The following RNF213 variants were observed in gnomAD, a reference collection of about 807,000 sequenced individuals.
The protein encoded by RNF213 is E3 ubiquitin-protein ligase RNF213.
A neutral mutation model predicts 514.4 loss-of-function variants in RNF213; 341 were observed. The observed-to-expected ratio is 0.66, with a 90% CI of 0.61 to 0.73. The LOEUF (loss-of-function observed/expected upper bound fraction) is 0.73, where lower values mean the gene tolerates loss of function less well. Ranked by LOEUF, RNF213 falls within the 30% of genes least tolerant of loss-of-function variation. The pLI is 0.00. For synonymous variants in RNF213, 2,655 were observed against 2,658.2 expected (o/e 1.00, Z 0.04); for missense variants, 5,767 against 6,615.6 (o/e 0.87, Z 4.45).
chr17:80,313,544 C>T (rs62076493), intron 15 of RNF213, among the ~76,000 whole-genome samples: 51 of 87,586 alleles, frequency 5.8e-4, no homozygotes, highest in African/African-American at 2.2e-3. Flanking sequence ...TGATGGTGGA[C>T]GTAATGGAGG....
intron 15 of RNF213, chr17:80,316,703 G>A: frequency 3.8e-6 from 1 of 259,982 alleles, no homozygotes; most frequent in South Asian, 4.7e-5. Flanking sequence ...TAGTGGCAAG[G>A]TGCCATGATG....
At chr17:80,367,647 G>T in intron 42 of RNF213, 101 bp from the exon 43 acceptor site, 1 of 853,316 alleles carries the variant, frequency 1.2e-6, no homozygotes, top group Non-Finnish European at 2.0e-6. Context: ...CCACACACAC[G>T]GCGCAGCCTT....
chr17:80,369,881 G>A lies in RNF213; in HGVS notation c.12425+14G>A, dbSNP rs1279416609. 1 of 1,551,614 alleles carries A rather than the reference G, an allele frequency of 6.4e-7. No homozygotes were observed. Among genetic ancestry groups the A allele is most frequent in the Non-Finnish European group, 8.9e-7 (1 of 1,123,600 alleles). On this transcript the variant is annotated intron_variant, in intron 46 of 67. Transcript: ENST00000582970. ...TTTGAAGTACAGGTAAGAACAACAT[G>A]GAGACTTGCTTCTGGAAAGCCCTGG... is the stretch of plus-strand genomic sequence containing the variant.
chr17:80,326,014 A>G (rs1291656790), intron 18 of RNF213, among the ~76,000 whole-genome samples: 1 of 151,964 alleles, frequency 6.6e-6, no homozygotes, highest in African/African-American at 2.4e-5. Flanking sequence ...GCTGGAGTGC[A>G]GTGCTGTGAT....
intron 11 of RNF213, among the ~76,000 whole-genome samples, chr17:80,303,613 G>C: frequency 6.7e-6 from 1 of 149,702 alleles, no homozygotes; most frequent in East Asian, 2.0e-4. Context: ...GCCCAGGCTG[G>C]AGTACAGTGG....
At chr17:80,322,316 A>G (rs914286540) in intron 17 of RNF213, among the ~76,000 whole-genome samples, 1 of 151,084 alleles carries the variant, frequency 6.6e-6, no homozygotes, top group African/African-American at 2.4e-5. Flanking sequence ...ATGTGCCACC[A>G]TGTTCAGCTA....
intron 20 of RNF213, among the ~76,000 whole-genome samples, chr17:80,330,149 C>T (rs537417309): frequency 9.2e-5 from 14 of 152,242 alleles, no homozygotes; most frequent in African/African-American, 3.4e-4. Flanking sequence ...CGGAATGTTC[C>T]TTTTTAAATT....
chr17:80,377,920 C>T lies in RNF213; in HGVS notation c.13545+124C>T, dbSNP rs932961011. On this transcript the variant is annotated intron_variant, in intron 54 of 67. Coordinates refer to ENST00000582970, the MANE Select transcript of RNF213 (RefSeq NM_001256071.3). The surrounding 1 kb of genome is among the most constrained non-coding windows in gnomAD (Gnocchi z 4.1). ...CAGGAGAGCACAGGCTCACCGAGGA[C>T]TGCCCAGGGTGCTCTGAGCAGGGCA... The T allele has an allele frequency of 2.4e-5, 27 of 1,123,382 alleles. No homozygotes were observed. Among genetic ancestry groups the T allele is most frequent in the Non-Finnish European group, 3.3e-5 (24 of 735,886 alleles). The allele number at this position is 1,123,382 out of a possible 1,614,324, so 69.6% of individuals were successfully genotyped here.
intron 65 of RNF213, among the ~76,000 whole-genome samples, 177 bp from the exon 66 acceptor site, chr17:80,389,651 C>G (rs1384606117): frequency 6.6e-6 from 1 of 152,162 alleles, no homozygotes; most frequent in Non-Finnish European, 1.5e-5. Flanking sequence ...TGAGGTGCCG[C>G]AGGAGGGAAC....
chr17:80,362,197 A>T (rs1447075347), intron 39 of RNF213, among the ~76,000 whole-genome samples: 1 of 152,208 alleles, frequency 6.6e-6, no homozygotes, highest in African/African-American at 2.4e-5. Context: ...AAAATTAAAT[A>T]CGTAACTAAC....
intron 10 of RNF213, among the ~76,000 whole-genome samples, chr17:80,297,465 T>G: frequency 7.7e-6 from 1 of 129,950 alleles, no homozygotes. Flanking sequence ...AAAAAAAAAG[T>G]TGTTTTGGCC....
At chr17:80,296,483 TTCA>T in intron 10 of RNF213, among the ~76,000 whole-genome samples, 1 of 152,174 alleles carries the variant, frequency 6.6e-6, no homozygotes, top group Admixed American at 6.6e-5. Context: ...CCGTGTCTAG[TTCA>T]GGAAACACAG....
At position 80,395,911 on chromosome 17, in the gene RNF213, A is replaced by C. The variant is rs1389559613; in HGVS notation, c.*2413A>C. 2 of 152,386 alleles carry C rather than the reference A, an allele frequency of 1.3e-5. No homozygotes were observed. Among genetic ancestry groups the C allele is most frequent in the Non-Finnish European group, 2.9e-5 (2 of 68,166 alleles). The allele number at this position is 152,386 out of a possible 1,614,324, so 9.4% of individuals were successfully genotyped here. ...CTGCGCCAGCCTCACCTCACCCTGC[A>C]GTTCCCGTTTCCGCCATGGATGCCT... is the stretch of plus-strand genomic sequence containing the variant. On this transcript the variant is annotated 3_prime_UTR_variant, in exon 68 of 68. Transcript: ENST00000582970.
rs890466893 is a variant in RNF213, at chr17:80,294,690, G to A, written c.1472-30G>A. The stretch of plus-strand genomic sequence containing the variant: ...GTCTCCAGGGTTTTGATGGTCTTAG[G>A]TAGGCTCTTGTTCCTTCTGTCCCTC... On this transcript the variant is annotated intron_variant, in intron 8 of 67. Transcript: ENST00000582970. 3 of 1,612,860 alleles carry A rather than the reference G, an allele frequency of 1.9e-6. No homozygotes were observed. The African/African-American group carries it at 4.0e-5, about 22-fold the overall frequency.
At position 80,360,712 on chromosome 17, in the gene RNF213, G is replaced by T. The variant is rs1351772497; in HGVS notation, c.11200+506G>T. Among the ~76,000 whole-genome samples the T allele has an allele frequency of 2.6e-5, 4 of 152,218 alleles. No individual in the cohort carries two copies. The East Asian group carries it at 7.7e-4, about 29-fold the overall frequency. On this transcript the variant is annotated intron_variant, in intron 38 of 67. Transcript: ENST00000582970. Reference sequence around the variant, plus strand: ...CAGCCCAGACACAGTGCTGAGCTCTGCTGCCAGATGCCAGAAGATTTGCCC... The same window carrying T: ...CAGCCCAGACACAGTGCTGAGCTCTTCTGCCAGATGCCAGAAGATTTGCCC...
chr17:80,317,345 G>A lies in RNF213; in HGVS notation c.2901+68G>A, dbSNP rs566628188. 1.1e-4 allele frequency: 151 copies of A among 1,411,462 alleles called. 1 individual carries two copies. The highest frequency in any genetic ancestry group is 6.5e-4 in the South Asian group (54 of 82,864). 87.4% of individuals were successfully genotyped at this position (1,411,462 alleles called of 1,614,324 possible). ...AGCTGGAGAACCCCAGACCATTAGCGACAGCCAAGAGATCTCAGCAGTGCC... is the reference window on the plus strand; with the variant it reads ...AGCTGGAGAACCCCAGACCATTAGCAACAGCCAAGAGATCTCAGCAGTGCC... On this transcript the variant is annotated intron_variant, in intron 16 of 67. Transcript: ENST00000582970. This position sits in a 1 kb window ranked among gnomAD's most constrained non-coding sequence, Gnocchi z 4.1.
intron 36 of RNF213, among the ~76,000 whole-genome samples, chr17:80,355,786 A>G (rs1158068248): frequency 1.1e-5 from 1 of 91,144 alleles, no homozygotes; most frequent in African/African-American, 5.3e-5. Context: ...GGGCTCATGG[A>G]GGAAAAAGCG....
chr17:80,355,560 T>C lies in RNF213; in HGVS notation c.10862+984T>C, dbSNP rs112896558. Among the ~76,000 whole-genome samples the C allele has an allele frequency of 2.0e-3, 59 of 29,260 alleles. 2 individuals are homozygous for C. The highest frequency in any genetic ancestry group is 3.4e-3 in the African/African-American group (33 of 9,808). 19.2% of individuals were successfully genotyped at this position (29,260 alleles called of 152,430 possible). A position where few individuals can be genotyped will look rare whatever the true frequency, so the allele number is the denominator to read the frequency against. ...CGGGGTGGACGGGAATGGGGGCTTATGGAGGAAGAAGCGGGGTGAGTGGGA... is the reference window on the plus strand; with the variant it reads ...CGGGGTGGACGGGAATGGGGGCTTACGGAGGAAGAAGCGGGGTGAGTGGGA... On this transcript the variant is annotated intron_variant, in intron 36 of 67. Coordinates refer to ENST00000582970, the MANE Select transcript of RNF213 (RefSeq NM_001256071.3).
chr17:80,296,309 C>T (rs568139810), intron 10 of RNF213, among the ~76,000 whole-genome samples: 1 of 152,202 alleles, frequency 6.6e-6, no homozygotes, highest in Non-Finnish European at 1.5e-5. Flanking sequence ...CGTGAGCCAC[C>T]GTGCTGGGTC....
Sources: allele counts gnomAD v4.1 joint callset (sites outside exome capture counted in the v4.1 genomes callset), GRCh38; gene constraint gnomAD v4.1.1; non-coding constraint Gnocchi (gnomAD v3.1); transcripts MANE v1.5; gene names NCBI Gene and HGNC (gene_info 2026-07-23, HGNC 2026-07-21).